MMP17: variants seen among roughly 807,000 people sequenced by gnomAD.
MMP17 encodes matrix metalloproteinase-17.
Under a neutral mutation model 49.1 loss-of-function variants are expected in MMP17, and 54 were observed. That is an observed-to-expected ratio of 1.10 (90% CI 0.88 to 1.38). The LOEUF is 1.38. Among genes scored for constraint, MMP17 ranks in the 40% most tolerant of loss-of-function variants. The pLI, the probability that MMP17 is intolerant of heterozygous loss-of-function variation, is 0.00. For missense variants in MMP17, 837 were observed against 853.7 expected (o/e 0.98, Z 0.24); for synonymous variants, 397 against 383.1 (o/e 1.04, Z -0.42).
rs1343532410 is a variant in MMP17, at chr12:131,828,595, G to T, written c.101G>T (p.Arg34Leu). Residue 34 changes from arginine (R) to leucine (L), a missense_variant, in exon 1 of 10, where the codon CGC becomes CTC. Arg to Leu is a moderately radical substitution (Grantham distance 102). Coordinates refer to ENST00000360564, the MANE Select transcript of MMP17 (RefSeq NM_016155.7). Reference protein sequence around the residue: ...PLLLLLALGTRGGCAAPAPAP... With the variant: ...PLLLLLALGTLGGCAAPAPAP... ...CTGCTGCTGCTGGCGCTGGGGACCC[G>T]CGGGGGCTGCGCCGCGCCCGCACCC... The T allele has an allele frequency of 4.2e-6, 4 of 953,700 alleles. No individual in the cohort carries two copies. The highest frequency in any genetic ancestry group is 5.1e-6 in the Non-Finnish European group (4 of 783,514). The allele number at this position is 953,700 out of a possible 1,614,324, so 59.1% of individuals were successfully genotyped here. A position where few individuals can be genotyped will look rare whatever the true frequency, so the allele number is the denominator to read the frequency against.
intron 1 of MMP17, among the ~76,000 whole-genome samples, chr12:131,834,292 C>G (rs1369449023): frequency 6.6e-6 from 1 of 151,944 alleles, no homozygotes; most frequent in African/African-American, 2.4e-5. Flanking sequence ...CCTCCCTCCT[C>G]CCGGCAGCCC....
At chr12:131,845,063 C>G in intron 6 of MMP17, 55 bp from the exon 7 acceptor site, 2 of 1,476,612 alleles carry the variant, frequency 1.4e-6, no homozygotes, top group Non-Finnish European at 1.8e-6. Flanking sequence ...GCAGGATGCC[C>G]TGTCCCGCGC....
intron 9 of MMP17, 146 bp from the exon 10 acceptor site, chr12:131,850,779 T>A (rs1887932291): frequency 1.0e-5 from 3 of 289,848 alleles, no homozygotes; most frequent in Non-Finnish European, 1.7e-5. Context: ...CCCACTGCAG[T>A]CTTGTGCAAG....
chr12:131,830,038 G>GC (rs1886712781), intron 1 of MMP17, among the ~76,000 whole-genome samples: 1 of 152,248 alleles, frequency 6.6e-6, no homozygotes, highest in Admixed American at 6.5e-5. Context: ...GGGGTCTCCA[G>GC]CTGTGGAGGG....
At chr12:131,850,741 G>A (rs1887930092) in intron 9 of MMP17, among the ~76,000 whole-genome samples, 184 bp from the exon 10 acceptor site, 2 of 146,284 alleles carry the variant, frequency 1.4e-5, no homozygotes, top group South Asian at 2.2e-4. Context: ...AGCACGAGCC[G>A]CCCCCCACCA....
chr12:131,850,577 A>G (rs1328933941), intron 9 of MMP17, among the ~76,000 whole-genome samples: 2 of 152,044 alleles, frequency 1.3e-5, no homozygotes, highest in Non-Finnish European at 2.9e-5. Flanking sequence ...AATATCCAGT[A>G]AGGGAAAGAG....
rs776238884 is a variant in MMP17, at chr12:131,845,350, G to A, written c.1105G>A (p.Ala369Thr). The A allele has an allele frequency of 1.2e-6, 2 of 1,602,080 alleles. No individual in the cohort carries two copies. The highest frequency in any genetic ancestry group is 1.7e-6 in the Non-Finnish European group (2 of 1,174,960). Reference protein sequence around the residue: ...RDRHLVSLQPAQMHRFWRGLP... With the variant: ...RDRHLVSLQPTQMHRFWRGLP... ...CCGGCACCTGGTGTCCCTGCAGCCG[G>A]CACAGATGCACCGCTTCTGGCGGGG... Residue 369 changes from alanine (A) to threonine (T), a missense_variant, in exon 8 of 10, where the codon GCA becomes ACA. Transcript: ENST00000360564.
chr12:131,851,349 T>C lies in MMP17; in HGVS notation c.*75T>C. 3 of 1,258,634 alleles carry C rather than the reference T, an allele frequency of 2.4e-6. No individual in the cohort carries two copies. Among genetic ancestry groups the C allele is most frequent in the East Asian group, 3.1e-5 (1 of 32,016 alleles). 78.0% of individuals were successfully genotyped at this position (1,258,634 alleles called of 1,614,324 possible). A position where few individuals can be genotyped will look rare whatever the true frequency, so the allele number is the denominator to read the frequency against. ...ACAGAGGGCAAGGACTGTGCCGGAG[T>C]CCCTGGGGGAGGTGCTGGCGCGGGA... is the stretch of plus-strand genomic sequence containing the variant. On this transcript the variant is annotated 3_prime_UTR_variant, in exon 10 of 10. Coordinates refer to ENST00000360564, the MANE Select transcript of MMP17 (RefSeq NM_016155.7).
chr12:131,840,935 A>C, intron 4 of MMP17, 79 bp downstream of exon 4: 1 of 1,441,650 alleles, frequency 6.9e-7, no homozygotes, highest in Non-Finnish European at 9.2e-7. Context: ...TGGCCCCCCC[A>C]TCCCCAACCC....
At chr12:131,841,999 A>G (rs1361622855) in intron 5 of MMP17, among the ~76,000 whole-genome samples, 199 bp downstream of exon 5, 2 of 151,756 alleles carry the variant, frequency 1.3e-5, no homozygotes, top group Non-Finnish European at 2.9e-5. Flanking sequence ...TCAGAATTCC[A>G]CCTCTGCGCC....
chr12:131,844,940 G>GTATCAATAAAA, intron 6 of MMP17, 178 bp from the exon 7 acceptor site: 1 of 478,744 alleles, frequency 2.1e-6, no homozygotes, highest in Non-Finnish European at 3.6e-6. Context: ...CCCGCCCGCT[G>GTATCAATAAAA]AAGCGGTGGA....
intron 1 of MMP17, among the ~76,000 whole-genome samples, chr12:131,835,504 A>G (rs1235714255): frequency 1.3e-5 from 2 of 152,204 alleles, no homozygotes; most frequent in African/African-American, 4.8e-5. Context: ...TGGGGACCAG[A>G]GTGGGGGGTG....
intron 1 of MMP17, among the ~76,000 whole-genome samples, chr12:131,833,050 C>G (rs1440966588): frequency 9.2e-5 from 14 of 152,362 alleles, no homozygotes; most frequent in African/African-American, 3.4e-4. Flanking sequence ...AGCCAACAGC[C>G]TGGGCTGAGC....
Position 131,851,066 on chromosome 12 carries a change from G to T in MMP17, c.1604G>T (p.Gly535Val). 4 of 1,607,960 alleles carry T rather than the reference G, an allele frequency of 2.5e-6. No homozygotes were observed. The highest frequency in any genetic ancestry group is 3.4e-6 in the Non-Finnish European group (4 of 1,177,656). Residue 535 changes from glycine to valine, a missense_variant, in exon 10 of 10, where the codon GGC becomes GTC. Physicochemically the swap from Gly to Val is moderately radical, Grantham distance 109. Transcript: ENST00000360564. ...DSQADGSVAAGVDAAEGPRAP... is the reference protein window; with the variant it reads ...DSQADGSVAAVVDAAEGPRAP... ...CAGGCCGATGGATCTGTGGCTGCGG[G>T]CGTGGACGCGGCAGAGGGGCCCCGC...
At position 131,838,629 on chromosome 12, in the gene MMP17, C is replaced by T; in HGVS notation, c.310C>T (p.Leu104=). Residue 104 remains leucine (L), a synonymous_variant, in exon 3 of 10, where the codon CTG becomes TTG. Transcript: ENST00000360564. The part of the protein sequence containing the change: ...TGILDEATLA[L]MKTPRCSLPD... ...CCCTGCAGACGAGGCCACCCTGGCC[C>T]TGATGAAAACCCCACGCTGCTCCCT... 6.2e-7 allele frequency: 1 copy of T among 1,611,138 alleles called. No individual in the cohort carries two copies. The highest frequency in any genetic ancestry group is 8.5e-7 in the Non-Finnish European group (1 of 1,179,640).
intron 8 of MMP17, 114 bp downstream of exon 8, chr12:131,845,563 G>A (rs1011926992): frequency 1.8e-5 from 24 of 1,333,406 alleles, no homozygotes; most frequent in African/African-American, 1.6e-4. Context: ...GAGGCTGGTC[G>A]AGCACAGAGC....
intron 1 of MMP17, among the ~76,000 whole-genome samples, chr12:131,829,462 C>T (rs79835490): frequency 3.3e-5 from 5 of 152,042 alleles, no homozygotes; most frequent in African/African-American, 4.8e-5. Context: ...CAGCGCCCCC[C>T]CGCTGGGGCG....
chr12:131,844,280 A>C, intron 6 of MMP17, 199 bp downstream of exon 6: 1 of 573,640 alleles, frequency 1.7e-6, no homozygotes. Context: ...CCTGCACAGA[A>C]ATGAGAACTT....
chr12:131,837,915 TTAGC>T, intron 1 of MMP17: 1 of 264,258 alleles, frequency 3.8e-6, no homozygotes, highest in African/African-American at 2.2e-5. Context: ...TTTCACCATA[TTAGC>T]TAGGATGGTC....
Sources: allele counts gnomAD v4.1 joint callset (sites outside exome capture counted in the v4.1 genomes callset), GRCh38; gene constraint gnomAD v4.1.1; transcripts MANE v1.5; gene names NCBI Gene and HGNC (gene_info 2026-07-23, HGNC 2026-07-21).